Variants in CD163L1 observed in about 807,000 individuals in gnomAD.
CD163L1 encodes the protein scavenger receptor cysteine-rich type 1 protein M160.
CD163L1 carries 124 observed loss-of-function variants against 165.4 expected under a neutral mutation model. That is an observed-to-expected ratio of 0.75 (90% CI 0.65 to 0.87). The LOEUF (loss-of-function observed/expected upper bound fraction) is 0.87. CD163L1 is among the 40% of genes least tolerant of loss of function. The probability of loss-of-function intolerance (pLI) is 0.00; values close to 1 mark genes in which losing one functional copy is unlikely to be tolerated. For synonymous variants in CD163L1, 585 were observed against 662.2 expected (o/e 0.88, Z 1.79); for missense variants, 1,525 against 1,799.9 (o/e 0.85, Z 2.76).
the CD163L1 span, chr12:7,328,338 A>G: frequency 6.3e-7 from 1 of 1,595,666 alleles, no homozygotes; most frequent in South Asian, 1.1e-5. Context: ...AATCAAACGC[A>G]ACGTTTTAAG....
chr12:7,402,309 G>T (rs1319169091), intron 6 of CD163L1, among the ~76,000 whole-genome samples: 2 of 152,022 alleles, frequency 1.3e-5, no homozygotes, highest in Non-Finnish European at 2.9e-5. Context: ...TGAGAAACAA[G>T]ATACAAAATA....
At chr12:7,380,799 G>T (rs75434655) in intron 8 of CD163L1, among the ~76,000 whole-genome samples, 12,168 of 152,076 alleles carry the variant, frequency 0.08, 567 homozygotes, top group Middle Eastern at 0.15. Context: ...TTTTAAAAAA[G>T]AGGAAACGAA....
rs187352087 is a variant in CD163L1, at chr12:7,438,741, T to A, written c.124+2413A>T. On this transcript the variant is annotated intron_variant, in intron 2 of 19. Transcript: ENST00000313599. ...CTTGCTTGTGAAATGTCTTGGCCAC[T>A]CAACACGGGTTTTCTGCTGCCTCCC... 1.7e-4 allele frequency: 201 copies of A among 1,179,360 alleles called. 2 individuals are homozygous for A. The East Asian group carries it at 4.8e-3, about 28-fold the overall frequency. 73.1% of individuals were successfully genotyped at this position (1,179,360 alleles called of 1,614,324 possible).
chr12:7,322,022 A>C, the CD163L1 span, among the ~76,000 whole-genome samples: 1 of 152,172 alleles, frequency 6.6e-6, no homozygotes, highest in Non-Finnish European at 1.5e-5. Flanking sequence ...CTCATGTGTA[A>C]ATAGGGGTTG....
intron 9 of CD163L1, among the ~76,000 whole-genome samples, chr12:7,376,426 A>C (rs1191027068): frequency 6.6e-6 from 1 of 152,240 alleles, no homozygotes; most frequent in Non-Finnish European, 1.5e-5. Context: ...AAACAACAAA[A>C]AAATACTGCC....
chr12:7,432,079 CTAAGAA>C lies in CD163L1; in HGVS notation c.766+331_766+336del, dbSNP rs935095792. On this transcript the variant is annotated intron_variant, in intron 4 of 19. Coordinates refer to ENST00000313599, the MANE Select transcript of CD163L1 (RefSeq NM_174941.6). The surrounding 1 kb of genome is among the most constrained non-coding windows in gnomAD (Gnocchi z 4.2). ...GAATTAGTAAAGTGGGGAAACTAGACTAAGAATGAGTGACCTCAGAGAAAGAAGGGA... is the reference window on the plus strand; with the variant it reads ...GAATTAGTAAAGTGGGGAAACTAGACTGAGTGACCTCAGAGAAAGAAGGGA... Among the ~76,000 whole-genome samples the C allele has an allele frequency of 5.3e-5, 8 of 151,950 alleles. No homozygotes were observed. Among genetic ancestry groups the C allele is most frequent in the African/African-American group, 1.9e-4 (8 of 41,424 alleles).
At chr12:7,414,916 G>T (rs892628360) in intron 4 of CD163L1, among the ~76,000 whole-genome samples, 1 of 152,062 alleles carries the variant, frequency 6.6e-6, no homozygotes. Context: ...CAAAAACTGA[G>T]AAAGTTTATC....
chr12:7,371,228 G>C (rs1175321704), intron 14 of CD163L1, among the ~76,000 whole-genome samples: 1 of 152,150 alleles, frequency 6.6e-6, no homozygotes, highest in Non-Finnish European at 1.5e-5. Context: ...TTTATTAGCA[G>C]CATGAGAACT....
chr12:7,386,951 C>T (rs1287857476), intron 8 of CD163L1, among the ~76,000 whole-genome samples: 1 of 152,114 alleles, frequency 6.6e-6, no homozygotes, highest in Non-Finnish European at 1.5e-5. Flanking sequence ...TGTTATTTAA[C>T]ATAGTACTGG....
At position 7,441,034 on chromosome 12, in the gene CD163L1, AAGG is replaced by A. The variant is rs796408984; in HGVS notation, c.124+117_124+119del. 24 of 700,258 alleles carry A rather than the reference AAGG, an allele frequency of 3.4e-5. No homozygotes were observed. In the African/African-American group the frequency reaches 4.1e-4, roughly 12 times the overall value. The allele number at this position is 700,258 out of a possible 1,614,324, so 43.4% of individuals were successfully genotyped here. On this transcript the variant is annotated intron_variant, in intron 2 of 19. Transcript: ENST00000313599. ...CTTTATTTACAGGGTATAGCTATTGAAGGTCCAACATTATTTTTACATGTTCTA... is the reference window on the plus strand; with the variant it reads ...CTTTATTTACAGGGTATAGCTATTGATCCAACATTATTTTTACATGTTCTA...
At chr12:7,352,953 A>G (rs1056873998), downstream of CD163L1, among the ~76,000 whole-genome samples, 2 of 152,136 alleles carry the variant, frequency 1.3e-5, no homozygotes, top group African/African-American at 4.8e-5. Context: ...ACCAAAAAAA[A>G]CCAAAAGCAA....
At chr12:7,322,855 A>G in the CD163L1 span, among the ~76,000 whole-genome samples, 12 of 152,324 alleles carry the variant, frequency 7.9e-5, no homozygotes, top group Non-Finnish European at 1.8e-4. Context: ...GAGAGCGTCC[A>G]TGGGAAATTG....
intron 4 of CD163L1, among the ~76,000 whole-genome samples, chr12:7,428,601 T>C (rs2136620703): frequency 6.6e-6 from 1 of 152,168 alleles, no homozygotes; most frequent in Admixed American, 6.5e-5. Context: ...TAAAGCCCCG[T>C]TCCTCACTTC....
At chr12:7,358,562 G>A (rs937375421) in intron 18 of CD163L1, among the ~76,000 whole-genome samples, 19 of 152,176 alleles carry the variant, frequency 1.2e-4, no homozygotes, top group African/African-American at 4.6e-4. Context: ...AGAAATATTA[G>A]CCTCTGACAC....
the CD163L1 span, chr12:7,324,373 G>C: frequency 6.2e-7 from 1 of 1,614,150 alleles, no homozygotes; most frequent in Non-Finnish European, 8.5e-7. Context: ...TTTGTCGGCA[G>C]AGCTGATGAT....
At chr12:7,380,441 C>T (rs1208047988) in intron 8 of CD163L1, among the ~76,000 whole-genome samples, 1 of 134,042 alleles carries the variant, frequency 7.5e-6, no homozygotes, top group Admixed American at 7.4e-5. Flanking sequence ...TGGAATACTA[C>T]TCAGCCATAA....
chr12:7,407,697 AT>A (rs1182362170), intron 4 of CD163L1, among the ~76,000 whole-genome samples: 1 of 151,660 alleles, frequency 6.6e-6, no homozygotes, highest in Non-Finnish European at 1.5e-5. Flanking sequence ...ATAGTGATCA[AT>A]TTTGCTAAGT....
At chr12:7,389,946 TTATATATATATATTTATATATATATATA>T (rs978943097) in intron 8 of CD163L1, among the ~76,000 whole-genome samples, 44 of 126,836 alleles carry the variant, frequency 3.5e-4, no homozygotes, top group Non-Finnish European at 5.8e-4. Flanking sequence ...ATTAAACATT[TTATATATATATATTTATATATATATATA>T]TATATATATG....
Position 7,421,522 on chromosome 12 carries a change from TAC to T in CD163L1, c.766+10892_766+10893del, listed in dbSNP as rs200978420. Reference sequence around the variant, plus strand: ...ATGTACATATACATATACATATATGTACATATATACATATACGTACACATATA... The same window carrying T: ...ATGTACATATACATATACATATATGTATATATACATATACGTACACATATA... On this transcript the variant is annotated intron_variant, in intron 4 of 19. Coordinates refer to ENST00000313599, the MANE Select transcript of CD163L1 (RefSeq NM_174941.6). 5.7e-5 allele frequency among the ~76,000 whole-genome samples: 7 copies of T among 122,390 alleles called. 1 individual carries two copies. Among genetic ancestry groups the T allele is most frequent in the African/African-American group, 2.2e-4 (6 of 27,072 alleles). The allele number at this position is 122,390 out of a possible 152,430, so 80.3% of individuals were successfully genotyped here. A position where few individuals can be genotyped will look rare whatever the true frequency, so the allele number is the denominator to read the frequency against.
Sources: allele counts gnomAD v4.1 joint callset (sites outside exome capture counted in the v4.1 genomes callset), GRCh38; gene constraint gnomAD v4.1.1; non-coding constraint Gnocchi (gnomAD v3.1); transcripts MANE v1.5; gene names NCBI Gene and HGNC (gene_info 2026-07-23, HGNC 2026-07-21).